Variants in GNA12 observed in about 807,000 individuals in gnomAD.
GNA12 encodes the protein G protein subunit alpha 12, also known as guanine nucleotide-binding protein subunit alpha-12.
In GNA12, 9 loss-of-function variants were observed where a neutral mutation model predicts 26.0. The ratio of observed to expected loss-of-function variants is 0.35; its 90% CI spans 0.21 to 0.60. The LOEUF (loss-of-function observed/expected upper bound fraction) is 0.60. Among genes scored for constraint, GNA12 ranks in the 20% least tolerant of loss-of-function variants. The probability of loss-of-function intolerance (pLI) is 0.78; values close to 1 mark genes in which losing one functional copy is unlikely to be tolerated. For missense variants in GNA12, 405 were observed against 525.8 expected (o/e 0.77, Z 2.25); for synonymous variants, 264 against 219.6 (o/e 1.20, Z -1.79).
intron 1 of GNA12, among the ~76,000 whole-genome samples, chr7:2,803,326 G>C (rs997961348): frequency 2.0e-5 from 3 of 152,176 alleles, no homozygotes; most frequent in African/African-American, 7.2e-5. Flanking sequence ...GTGTGAGAAA[G>C]GGGACGATCG....
At chr7:2,801,950 T>C (rs79377654) in intron 1 of GNA12, among the ~76,000 whole-genome samples, 3,986 of 152,302 alleles carry the variant, frequency 0.026, 126 homozygotes, top group Middle Eastern at 0.075. Flanking sequence ...GTTACACTTT[T>C]ACCATTGTTA....
At chr7:2,785,090 G>A (rs1792325474) in intron 2 of GNA12, among the ~76,000 whole-genome samples, 1 of 152,174 alleles carries the variant, frequency 6.6e-6, no homozygotes, top group Non-Finnish European at 1.5e-5. Flanking sequence ...ATGAAATGAA[G>A]GGGAAAGGCC....
At chr7:2,778,396 CCCT>C (rs1365932215) in intron 2 of GNA12, among the ~76,000 whole-genome samples, 9 of 152,138 alleles carry the variant, frequency 5.9e-5, no homozygotes, top group Non-Finnish European at 1.0e-4. Context: ...TGTGCCACCT[CCCT>C]CCTATCTCTT....
At chr7:2,746,336 G>T (rs1790762144) in intron 2 of GNA12, among the ~76,000 whole-genome samples, 1 of 152,206 alleles carries the variant, frequency 6.6e-6, no homozygotes, top group Admixed American at 6.5e-5. Flanking sequence ...TCAGACCACA[G>T]TGCAATCAAA....
intron 2 of GNA12, 76 bp from the exon 3 acceptor site, chr7:2,733,577 G>T: frequency 1.7e-6 from 2 of 1,164,750 alleles, no homozygotes; most frequent in East Asian, 2.4e-5. Context: ...GAACTGAACA[G>T]GGTAAGAGCA....
At chr7:2,745,739 G>A (rs989213827) in intron 2 of GNA12, among the ~76,000 whole-genome samples, 1 of 152,204 alleles carries the variant, frequency 6.6e-6, no homozygotes, top group Non-Finnish European at 1.5e-5. Flanking sequence ...TGGATAAAGA[G>A]TCAAGACCCA....
intron 1 of GNA12, among the ~76,000 whole-genome samples, chr7:2,823,118 G>T (rs896040127): frequency 5.3e-5 from 8 of 152,082 alleles, no homozygotes; most frequent in Admixed American, 5.2e-4. Context: ...AACTAAAAAC[G>T]TGGGGTCCGA....
At chr7:2,785,010 C>G (rs1309350534) in intron 2 of GNA12, among the ~76,000 whole-genome samples, 1 of 152,162 alleles carries the variant, frequency 6.6e-6, no homozygotes, top group Admixed American at 6.5e-5. Flanking sequence ...AAATACTTAA[C>G]ACTTCATTTT....
In GNA12 at chr7:2,760,169, C is replaced by T. The variant is rs146284758; in HGVS notation, c.526-26668G>A. On this transcript the variant is annotated intron_variant, in intron 2 of 3. Transcript: ENST00000275364. Reference sequence around the variant, plus strand: ...ATGGACGTGCTTTCTTCCCATCGCCCGCCTCTGCCTGGGGAAGGAGTGGAG... The same window carrying T: ...ATGGACGTGCTTTCTTCCCATCGCCTGCCTCTGCCTGGGGAAGGAGTGGAG... 1.8e-3 allele frequency among the ~76,000 whole-genome samples: 273 copies of T among 152,338 alleles called. 1 individual carries two copies. Among genetic ancestry groups the T allele is most frequent in the African/African-American group, 6.2e-3 (257 of 41,576 alleles).
chr7:2,807,418 A>C (rs1445859514), intron 1 of GNA12, among the ~76,000 whole-genome samples: 2 of 152,180 alleles, frequency 1.3e-5, no homozygotes, highest in African/African-American at 4.8e-5. Context: ...ACTTCCAATA[A>C]AACGTTTCAT....
chr7:2,748,916 A>G (rs916548798), intron 2 of GNA12, among the ~76,000 whole-genome samples: 1 of 152,250 alleles, frequency 6.6e-6, no homozygotes, highest in African/African-American at 2.4e-5. Flanking sequence ...AAAAATGCTC[A>G]TCATCACTGG....
At chr7:2,842,582 G>A (rs1008724441) in intron 1 of GNA12, among the ~76,000 whole-genome samples, 1 of 152,202 alleles carries the variant, frequency 6.6e-6, no homozygotes, top group African/African-American at 2.4e-5. Context: ...ACAGGCACGA[G>A]CCATCACACC....
At chr7:2,842,612 C>G (rs1779028615) in intron 1 of GNA12, among the ~76,000 whole-genome samples, 1 of 152,212 alleles carries the variant, frequency 6.6e-6, no homozygotes, top group Non-Finnish European at 1.5e-5. Flanking sequence ...TCTACAGCTT[C>G]TTTCACAAAT....
chr7:2,752,118 C>T (rs1791069758), intron 2 of GNA12, among the ~76,000 whole-genome samples: 1 of 151,980 alleles, frequency 6.6e-6, no homozygotes, highest in Non-Finnish European at 1.5e-5. Context: ...CAATTTAAAC[C>T]TAACTACATA....
rs372352695 is a variant in GNA12 at position 2,810,417 on chromosome 7, T to C, written c.310-15274A>G. 7.2e-5 allele frequency among the ~76,000 whole-genome samples: 11 copies of C among 152,262 alleles called. No individual in the cohort carries two copies. In the South Asian group the frequency reaches 1.2e-3, roughly 17 times the overall value. ...CACCTTAAGGGTTAGGATTTCAACA[T>C]AGGAATTTTGAGATGGACACATTCA... On this transcript the variant is annotated intron_variant, in intron 1 of 3. Coordinates refer to ENST00000275364, the MANE Select transcript of GNA12 (RefSeq NM_007353.3).
chr7:2,827,378 T>C (rs895860424), intron 1 of GNA12, among the ~76,000 whole-genome samples: 4 of 152,212 alleles, frequency 2.6e-5, no homozygotes, highest in Non-Finnish European at 2.9e-5. Context: ...TGATTAATTG[T>C]ATGGTATGTG....
intron 2 of GNA12, among the ~76,000 whole-genome samples, chr7:2,780,044 C>CTGTG (rs1198755796): frequency 3.8e-4 from 30 of 79,668 alleles, no homozygotes; most frequent in African/African-American, 1.5e-3. Context: ...TTACACATTT[C>CTGTG]TGTGTACATA....
intron 1 of GNA12, among the ~76,000 whole-genome samples, chr7:2,805,117 A>C (rs1481845644): frequency 2.0e-5 from 3 of 152,208 alleles, no homozygotes; most frequent in Middle Eastern, 3.2e-3. Flanking sequence ...CAAAGCCTTT[A>C]AACACCGACC....
At chr7:2,836,096 G>A (rs1456552151) in intron 1 of GNA12, 1 of 233,038 alleles carries the variant, frequency 4.3e-6, no homozygotes, top group East Asian at 1.4e-4. Flanking sequence ...GAATAAACTA[G>A]AAAGTCTTAC....
Sources: gnomAD v4.1 joint callset for allele counts (sites outside exome capture counted in the v4.1 genomes callset) on GRCh38, gnomAD v4.1.1 for gene constraint, MANE v1.5 for transcripts, NCBI Gene and HGNC (gene_info 2026-07-23, HGNC 2026-07-21) for gene names.